The following MALRD1 variants were observed in gnomAD, a reference collection of about 807,000 sequenced individuals.
The protein encoded by MALRD1 is MAM and LDL-receptor class A domain-containing protein 1.
MALRD1 carries 247 observed loss-of-function variants against 242.1 expected under a neutral mutation model. The ratio of observed to expected loss-of-function variants is 1.02; its 90% CI spans 0.92 to 1.13. MALRD1 has a LOEUF of 1.13. Ranked by LOEUF, MALRD1 falls within the 50% of genes most tolerant of loss-of-function variation. The probability of loss-of-function intolerance (pLI) is 0.00; values close to 1 mark genes in which losing one functional copy is unlikely to be tolerated. For synonymous variants in MALRD1, 995 were observed against 866.6 expected (o/e 1.15, Z -2.60); for missense variants, 2,989 against 2,533.1 (o/e 1.18, Z -3.86).
chr10:19,563,159 A>G (rs1462196080), intron 32 of MALRD1, among the ~76,000 whole-genome samples: 1 of 152,146 alleles, frequency 6.6e-6, no homozygotes, highest in African/African-American at 2.4e-5. Context: ...TTCTGAAGCT[A>G]TAGAGGGCAG....
At chr10:19,591,450 A>T (rs1400741151) in intron 33 of MALRD1, among the ~76,000 whole-genome samples, 1 of 151,490 alleles carries the variant, frequency 6.6e-6, no homozygotes, top group Non-Finnish European at 1.5e-5. Flanking sequence ...AACTTTCTTA[A>T]CGGTGGCCAC....
At chr10:19,694,387 A>T (rs572551991) in intron 38 of MALRD1, among the ~76,000 whole-genome samples, 5 of 152,194 alleles carry the variant, frequency 3.3e-5, no homozygotes, top group Non-Finnish European at 7.4e-5. Context: ...CAAGAAAAAA[A>T]CAACCCCATC....
intron 14 of MALRD1, among the ~76,000 whole-genome samples, chr10:19,182,181 T>C (rs930657061): frequency 6.6e-6 from 1 of 152,082 alleles, no homozygotes; most frequent in African/African-American, 2.4e-5. Flanking sequence ...ATGTACATGG[T>C]TTAAGAACCT....
intron 22 of MALRD1, 131 bp downstream of exon 22, chr10:19,324,236 T>C (rs1049735764): frequency 4.6e-6 from 4 of 869,504 alleles, no homozygotes; most frequent in Admixed American, 6.1e-5. Flanking sequence ...AGATTTATAG[T>C]GGTATATGGA....
chr10:19,309,587 T>C (rs930577746), intron 21 of MALRD1, among the ~76,000 whole-genome samples: 10 of 151,428 alleles, frequency 6.6e-5, no homozygotes, highest in African/African-American at 2.2e-4. Context: ...TGAAAGTAAG[T>C]AGAGACTGTG....
chr10:19,166,802 A>G (rs570742477), intron 13 of MALRD1, among the ~76,000 whole-genome samples: 26 of 152,318 alleles, frequency 1.7e-4, no homozygotes, highest in African/African-American at 5.8e-4. Flanking sequence ...CTTCTGGATG[A>G]CATTTGAAAA....
intron 39 of MALRD1, 40 bp downstream of exon 39, chr10:19,730,821 C>A: frequency 1.4e-6 from 2 of 1,475,366 alleles, no homozygotes; most frequent in Non-Finnish European, 9.2e-7. Context: ...CACACATATG[C>A]ACACACATAC....
At chr10:19,571,766 A>G (rs1179935994) in intron 33 of MALRD1, among the ~76,000 whole-genome samples, 2 of 152,148 alleles carry the variant, frequency 1.3e-5, no homozygotes, top group Non-Finnish European at 2.9e-5. Flanking sequence ...ATACCATTAA[A>G]ACTACTAGCT....
At chr10:19,302,951 T>G (rs1842014353) in intron 21 of MALRD1, among the ~76,000 whole-genome samples, 1 of 151,610 alleles carries the variant, frequency 6.6e-6, no homozygotes, top group African/African-American at 2.4e-5. Flanking sequence ...TCAGGTTAGT[T>G]AGGGAAGGAA....
chr10:19,594,217 T>C (rs995012612), intron 33 of MALRD1, among the ~76,000 whole-genome samples: 4 of 152,208 alleles, frequency 2.6e-5, no homozygotes, highest in African/African-American at 9.7e-5. Context: ...AATAGTCCAA[T>C]TGAAGGCATA....
rs1432361859 is a variant in MALRD1, at chr10:19,730,576, TAC to T, written c.6315-128_6315-127del. Reference sequence around the variant, plus strand: ...AAAAAACAAACTTTACTTATGGTAATACATTCATGAAAATAAGTGTGCTGGCT... The same window carrying T: ...AAAAAACAAACTTTACTTATGGTAATATTCATGAAAATAAGTGTGCTGGCT... On this transcript the variant is annotated intron_variant, in intron 38 of 39. Coordinates refer to ENST00000454679, the MANE Select transcript of MALRD1 (RefSeq NM_001142308.3). 3 of 935,598 alleles carry T rather than the reference TAC, an allele frequency of 3.2e-6. No individual in the cohort carries two copies. The African/African-American group carries it at 4.9e-5, about 15-fold the overall frequency. 58.0% of individuals were successfully genotyped at this position (935,598 alleles called of 1,614,324 possible). A position where few individuals can be genotyped will look rare whatever the true frequency, so the allele number is the denominator to read the frequency against.
At chr10:19,686,962 T>C (rs1009517582) in intron 36 of MALRD1, among the ~76,000 whole-genome samples, 2 of 151,724 alleles carry the variant, frequency 1.3e-5, no homozygotes, top group African/African-American at 4.8e-5. Context: ...ATACATCAGG[T>C]CCTCCTGGGA....
At chr10:19,584,918 G>T (rs1316403034) in intron 33 of MALRD1, among the ~76,000 whole-genome samples, 2 of 151,840 alleles carry the variant, frequency 1.3e-5, no homozygotes, top group South Asian at 2.1e-4. Context: ...CCTGTATTGG[G>T]TGCATATATA....
chr10:19,363,948 T>C (rs1348762813), intron 26 of MALRD1, among the ~76,000 whole-genome samples: 3 of 152,014 alleles, frequency 2.0e-5, no homozygotes, highest in Non-Finnish European at 2.9e-5. Context: ...TGCATTGCAG[T>C]AAAAAAGAGA....
intron 28 of MALRD1, among the ~76,000 whole-genome samples, chr10:19,409,177 A>G (rs1833164885): frequency 6.6e-6 from 1 of 152,216 alleles, no homozygotes. Context: ...ATTGCATGCA[A>G]CAACCTGGAT....
intron 31 of MALRD1, among the ~76,000 whole-genome samples, chr10:19,509,079 ATTATC>A (rs1224087007): frequency 6.6e-6 from 1 of 152,200 alleles, no homozygotes; most frequent in African/African-American, 2.4e-5. Flanking sequence ...AGCCTAATCT[ATTATC>A]TTTATATTAC....
At chr10:19,131,458 G>A (rs1347148249) in intron 8 of MALRD1, among the ~76,000 whole-genome samples, 1 of 152,080 alleles carries the variant, frequency 6.6e-6, no homozygotes, top group Non-Finnish European at 1.5e-5. Context: ...AACCATTATT[G>A]GGTTAGATCT....
At chr10:19,190,761 G>C (rs1413965972) in intron 14 of MALRD1, among the ~76,000 whole-genome samples, 1 of 151,144 alleles carries the variant, frequency 6.6e-6, no homozygotes, top group Non-Finnish European at 1.5e-5. Context: ...ACTTGCGAAA[G>C]TATGAAGTTG....
At chr10:19,229,122 G>T (rs1199395201) in intron 18 of MALRD1, among the ~76,000 whole-genome samples, 2 of 152,022 alleles carry the variant, frequency 1.3e-5, no homozygotes, top group Non-Finnish European at 2.9e-5. Flanking sequence ...ACTGATAAAA[G>T]AATTTGAAAA....
Sources: gnomAD v4.1 joint callset for allele counts (sites outside exome capture counted in the v4.1 genomes callset) on GRCh38, gnomAD v4.1.1 for gene constraint, MANE v1.5 for transcripts, NCBI Gene and HGNC (gene_info 2026-07-23, HGNC 2026-07-21) for gene names.